Variants in MARCHF8 observed in about 807,000 individuals in gnomAD.
MARCHF8 encodes the protein E3 ubiquitin-protein ligase MARCHF8.
Under a neutral mutation model 51.6 loss-of-function variants are expected in MARCHF8, and 40 were observed. That is an observed-to-expected ratio of 0.77 (90% confidence interval 0.60 to 1.01). MARCHF8 has a LOEUF of 1.01. MARCHF8 is among the 50% of genes least tolerant of loss of function. MARCHF8 has a pLI of 0.00. For synonymous variants in MARCHF8, 263 were observed against 280.3 expected (o/e 0.94, Z 0.62); for missense variants, 685 against 708.6 (o/e 0.97, Z 0.38).
chr10:45,579,345 A>T (rs1256690942), intron 1 of MARCHF8, among the ~76,000 whole-genome samples: 1 of 151,496 alleles, frequency 6.6e-6, no homozygotes, highest in Non-Finnish European at 1.5e-5. Context: ...AGCAAAAGAC[A>T]TAACTAGAAA....
intron 1 of MARCHF8, among the ~76,000 whole-genome samples, chr10:45,551,210 G>T (rs975711706): frequency 2.0e-5 from 3 of 152,154 alleles, no homozygotes; most frequent in Non-Finnish European, 4.4e-5. Context: ...AACTGTTTTA[G>T]TCTCATTCTT....
intron 3 of MARCHF8, among the ~76,000 whole-genome samples, chr10:45,473,169 C>T (rs965211876): frequency 6.6e-6 from 1 of 152,178 alleles, no homozygotes; most frequent in Non-Finnish European, 1.5e-5. Flanking sequence ...TATCTCATCC[C>T]TGTCTAATGG....
At chr10:45,504,647 C>T (rs1329735781) in intron 2 of MARCHF8, among the ~76,000 whole-genome samples, 1 of 152,094 alleles carries the variant, frequency 6.6e-6, no homozygotes, top group Admixed American at 6.5e-5. Flanking sequence ...CAACAAAACA[C>T]CATACAGTAT....
chr10:45,499,163 TCTCA>T (rs2043230706), intron 2 of MARCHF8, among the ~76,000 whole-genome samples: 1 of 152,220 alleles, frequency 6.6e-6, no homozygotes, highest in Non-Finnish European at 1.5e-5. Flanking sequence ...TAAAGTGGTA[TCTCA>T]CTGTGGTTTT....
intron 3 of MARCHF8, among the ~76,000 whole-genome samples, chr10:45,476,116 C>A (rs2042782629): frequency 6.6e-6 from 1 of 152,192 alleles, no homozygotes. Flanking sequence ...GAGACTGTTA[C>A]ACCAGACGTG....
intron 3 of MARCHF8, among the ~76,000 whole-genome samples, chr10:45,473,687 G>C (rs930890675): frequency 3.3e-5 from 5 of 152,174 alleles, no homozygotes; most frequent in East Asian, 3.8e-4. Context: ...CAGCTGAATA[G>C]AGTGGGTTTA....
rs1009422055 is a variant in MARCHF8, at chr10:45,455,200, T to C, written c.*3039A>G. ...GGCCAGGTAGGACACATGTGCAGGTTTGAAAACTAGGCCTACAAGACTGAA... is the reference window on the plus strand; with the variant it reads ...GGCCAGGTAGGACACATGTGCAGGTCTGAAAACTAGGCCTACAAGACTGAA... On this transcript the variant is annotated 3_prime_UTR_variant, in exon 8 of 8. Transcript: ENST00000453424. The C allele has an allele frequency of 6.6e-6, 1 of 152,266 alleles. No individual in the cohort carries two copies. The highest frequency in any genetic ancestry group is 1.5e-5 in the Non-Finnish European group (1 of 68,088). The allele number at this position is 152,266 out of a possible 1,614,324, so 9.4% of individuals were successfully genotyped here.
At chr10:45,479,938 A>C (rs2042855257) in intron 3 of MARCHF8, among the ~76,000 whole-genome samples, 1 of 152,190 alleles carries the variant, frequency 6.6e-6, no homozygotes, top group Non-Finnish European at 1.5e-5. Context: ...GAAGACAGGA[A>C]AATGTGGGCA....
chr10:45,508,833 A>G (rs189469301), intron 2 of MARCHF8, among the ~76,000 whole-genome samples: 1 of 152,156 alleles, frequency 6.6e-6, no homozygotes, highest in Non-Finnish European at 1.5e-5. Context: ...ATTGTTTAAA[A>G]TTTTTTTATT....
intron 2 of MARCHF8, among the ~76,000 whole-genome samples, chr10:45,494,520 CCTGA>C (rs1043499641): frequency 1.3e-5 from 2 of 152,168 alleles, no homozygotes; most frequent in African/African-American, 4.8e-5. Flanking sequence ...CCAAAAGAAC[CCTGA>C]CTTTGTCCTG....
chr10:45,580,003 CAAAAAAAAAAAAAAAA>C (rs34446338), intron 1 of MARCHF8, among the ~76,000 whole-genome samples: 6 of 36,468 alleles, frequency 1.6e-4, no homozygotes, highest in South Asian at 2.7e-3. Flanking sequence ...ACTCCGTCTC[CAAAAAAAAAAAAAAAA>C]AAAAAAAAAA....
intron 3 of MARCHF8, among the ~76,000 whole-genome samples, chr10:45,487,549 G>T (rs530241825): frequency 2.2e-4 from 34 of 152,284 alleles, no homozygotes; most frequent in Admixed American, 4.6e-4. Flanking sequence ...GTGCAAAAAT[G>T]GGCAGCAATG....
Position 45,463,719 on chromosome 10 carries a change from A to C in MARCHF8, c.520T>G (p.Tyr174Asp). The C allele has an allele frequency of 6.4e-7, 1 of 1,551,154 alleles. No homozygotes were observed. The highest frequency in any genetic ancestry group is 8.7e-7 in the Non-Finnish European group (1 of 1,147,106). The change falls in exon 5 of 8, where the codon TAT (tyrosine) becomes GAT (aspartate). Residue 174 changes from tyrosine to aspartate, a missense_variant. Coordinates refer to ENST00000453424, the MANE Select transcript of MARCHF8 (RefSeq NM_001282866.2). ...KAQDTSESFAYVERTCSEGKL... is the reference protein window; with the variant it reads ...KAQDTSESFADVERTCSEGKL... ...CCTTCAGAACAAGTTCTTTCCACATAGGCAAAACTTTCTGAAGTATCCTGC... is the reference window on the plus strand; with the variant it reads ...CCTTCAGAACAAGTTCTTTCCACATCGGCAAAACTTTCTGAAGTATCCTGC...
At chr10:45,482,772 C>T (rs1173373951) in intron 3 of MARCHF8, among the ~76,000 whole-genome samples, 2 of 151,966 alleles carry the variant, frequency 1.3e-5, no homozygotes, top group African/African-American at 4.8e-5. Flanking sequence ...AAACAAACAA[C>T]AACAACAAAA....
chr10:45,463,668 A>T lies in MARCHF8; in HGVS notation c.571T>A (p.Cys191Ser). 1 of 1,550,786 alleles carries T rather than the reference A, an allele frequency of 6.4e-7. No homozygotes were observed. The highest frequency in any genetic ancestry group is 1.2e-5 in the South Asian group (1 of 84,066). ...TGATGAAACCTGTTAGTTCTGAGACACGTATCTTGAGGGAGTATTAATTTC... is the reference window on the plus strand; with the variant it reads ...TGATGAAACCTGTTAGTTCTGAGACTCGTATCTTGAGGGAGTATTAATTTC... ...EGKLILPQDTCLRTNRFHHKE... is the reference protein window; with the variant it reads ...EGKLILPQDTSLRTNRFHHKE... The change falls in exon 5 of 8, where the codon TGT (cysteine) becomes AGT (serine). Residue 191 changes from cysteine to serine, a missense_variant. Transcript: ENST00000453424.
intron 2 of MARCHF8, among the ~76,000 whole-genome samples, chr10:45,529,728 G>A (rs1221965997): frequency 2.0e-5 from 3 of 152,168 alleles, no homozygotes; most frequent in Non-Finnish European, 4.4e-5. Flanking sequence ...AAATAAAAGC[G>A]ATGAAATACC....
intron 1 of MARCHF8, among the ~76,000 whole-genome samples, chr10:45,582,018 T>C (rs546017821): frequency 4.7e-4 from 72 of 151,976 alleles, no homozygotes; most frequent in African/African-American, 1.7e-3. Flanking sequence ...TAATGACCAA[T>C]GAGTCACGCC....
At chr10:45,575,047 G>C (rs768077731) in intron 1 of MARCHF8, among the ~76,000 whole-genome samples, 1 of 151,376 alleles carries the variant, frequency 6.6e-6, no homozygotes, top group African/African-American at 2.4e-5. Flanking sequence ...TCTCAAAGCC[G>C]CTTTACTTCT....
intron 1 of MARCHF8, among the ~76,000 whole-genome samples, chr10:45,554,600 G>A (rs2044231197): frequency 6.6e-6 from 1 of 152,192 alleles, no homozygotes; most frequent in African/African-American, 2.4e-5. Flanking sequence ...AGGAGCTAAT[G>A]TGAAGGCACT....
Sources: gnomAD v4.1 joint callset for allele counts (sites outside exome capture counted in the v4.1 genomes callset) on GRCh38, gnomAD v4.1.1 for gene constraint, MANE v1.5 for transcripts, NCBI Gene and HGNC (gene_info 2026-07-23, HGNC 2026-07-21) for gene names.